The following XPA variants were observed in gnomAD, a reference collection of about 807,000 sequenced individuals.
XPA encodes the protein XPA, DNA damage recognition and repair factor, also known as DNA repair protein complementing XP-A cells.
A neutral mutation model predicts 35.7 loss-of-function variants in XPA; 27 were observed. That is an observed-to-expected ratio of 0.76 (90% confidence interval 0.56 to 1.04). The LOEUF is 1.04. Ranked by LOEUF, XPA falls within the 50% of genes least tolerant of loss-of-function variation. XPA has a pLI of 0.00. For synonymous variants in XPA, 133 were observed against 118.4 expected (o/e 1.12, Z -0.80); for missense variants, 354 against 342.7 (o/e 1.03, Z -0.26).
Position 97,675,532 on chromosome 9 carries a change from TTGA to T in XPA, c.726_728del (p.His242del). On this transcript the variant is annotated inframe_deletion, in exon 6 of 6. Coordinates refer to ENST00000375128, the MANE Select transcript of XPA (RefSeq NM_000380.4). ...GGTTTTCTTCTGGTCCATACTCATG[TTGA>T]TGAACAATCGTCTCCCTTTTCCACA... 6.2e-7 allele frequency: 1 copy of T among 1,614,066 alleles called. No homozygotes were observed. Among genetic ancestry groups the T allele is most frequent in the East Asian group, 2.2e-5 (1 of 44,876 alleles).
the XPA span, chr9:97,656,085 G>A: frequency 6.2e-7 from 1 of 1,612,510 alleles, no homozygotes; most frequent in Non-Finnish European, 8.5e-7. Flanking sequence ...AAATGTATGA[G>A]GTAAGTTTTT....
the XPA span, chr9:97,654,830 C>A: frequency 6.7e-7 from 1 of 1,500,534 alleles, no homozygotes; most frequent in African/African-American, 1.4e-5. Flanking sequence ...TCTATTACAA[C>A]TTATTTGGGA....
intron 5 of XPA, among the ~76,000 whole-genome samples, chr9:97,681,958 T>C (rs916105591): frequency 1.3e-5 from 2 of 152,204 alleles, no homozygotes; most frequent in Non-Finnish European, 2.9e-5. Context: ...AGAGTTTTGA[T>C]ACCAGTTAAA....
At chr9:97,685,516 T>A (rs538198235) in intron 4 of XPA, among the ~76,000 whole-genome samples, 1 of 152,354 alleles carries the variant, frequency 6.6e-6, no homozygotes, top group Non-Finnish European at 1.5e-5. Context: ...GGATATATTT[T>A]TTTTTAATTT....
the XPA span, among the ~76,000 whole-genome samples, chr9:97,668,526 G>C: frequency 6.6e-6 from 1 of 152,140 alleles, no homozygotes; most frequent in African/African-American, 2.4e-5. Context: ...TTAGCAAGCT[G>C]TCTCCCTGTT....
At chr9:97,695,483 T>C (rs2131408521) in intron 1 of XPA, among the ~76,000 whole-genome samples, 1 of 152,228 alleles carries the variant, frequency 6.6e-6, no homozygotes, top group African/African-American at 2.4e-5. Flanking sequence ...GAATATGTAA[T>C]ATAAATAGCA....
At chr9:97,666,845 G>A in the XPA span, 20 of 1,609,488 alleles carry the variant, frequency 1.2e-5, no homozygotes, top group Admixed American at 3.2e-4. Context: ...GCTGGAAGAA[G>A]CTAAAGAGAA....
chr9:97,686,899 T>C (rs1828733676), intron 4 of XPA, among the ~76,000 whole-genome samples, 197 bp downstream of exon 4: 1 of 151,992 alleles, frequency 6.6e-6, no homozygotes, highest in African/African-American at 2.4e-5. Flanking sequence ...TGAGACCTTA[T>C]TGTTTGAAAA....
the XPA span, among the ~76,000 whole-genome samples, chr9:97,656,412 C>G: frequency 6.6e-6 from 1 of 152,192 alleles, no homozygotes; most frequent in Non-Finnish European, 1.5e-5. Flanking sequence ...GAAACCCCCT[C>G]TCTACTAAAA....
chr9:97,673,320 ACTC>A (rs1828252967), downstream of XPA: 1 of 151,988 alleles, frequency 6.6e-6, no homozygotes, highest in African/African-American at 2.4e-5. Flanking sequence ...GTTTAAAATG[ACTC>A]CTGTCTCAAA....
intron 4 of XPA, 88 bp from the exon 5 acceptor site, chr9:97,685,128 G>GGTACCA: frequency 9.8e-7 from 1 of 1,016,006 alleles, no homozygotes; most frequent in Non-Finnish European, 1.5e-6. Flanking sequence ...AGGTACCAAA[G>GGTACCA]AATGATCTAA....
intron 5 of XPA, among the ~76,000 whole-genome samples, chr9:97,680,160 TAA>T (rs552046249): frequency 1.6e-4 from 24 of 152,212 alleles, no homozygotes; most frequent in Non-Finnish European, 3.2e-4. Flanking sequence ...ATATTAATGC[TAA>T]GTTTCTTGAG....
chr9:97,666,894 C>G, the XPA span: 3 of 1,505,778 alleles, frequency 2.0e-6, no homozygotes, highest in Non-Finnish European at 2.7e-6. Context: ...TTTGTGTAAA[C>G]TTGTAAGTAG....
At chr9:97,662,043 TGAA>T in the XPA span, 1 of 1,608,992 alleles carries the variant, frequency 6.2e-7, no homozygotes, top group African/African-American at 1.3e-5. Flanking sequence ...ATTTTTCAGA[TGAA>T]GGATTCAGTT....
chr9:97,670,872 T>C (rs1288964997), downstream of XPA, among the ~76,000 whole-genome samples: 1 of 152,208 alleles, frequency 6.6e-6, no homozygotes, highest in Non-Finnish European at 1.5e-5. Context: ...GAACTGGATT[T>C]TTTAAAAAGC....
downstream of XPA, chr9:97,671,159 T>G: frequency 6.2e-7 from 1 of 1,613,658 alleles, no homozygotes; most frequent in Non-Finnish European, 8.5e-7. Context: ...GACCCTCATA[T>G]CTTGGCCGTG....
At chr9:97,688,218 G>A (rs565350092) in intron 3 of XPA, among the ~76,000 whole-genome samples, 2 of 152,144 alleles carry the variant, frequency 1.3e-5, no homozygotes, top group Non-Finnish European at 2.9e-5. Flanking sequence ...GGAGGCACTA[G>A]GTAAGAATCC....
chr9:97,687,058 A>G (rs752223091), intron 4 of XPA, 38 bp downstream of exon 4: 2 of 1,582,116 alleles, frequency 1.3e-6, no homozygotes. Flanking sequence ...TTAAGAATTT[A>G]CCAGAGTGAA....
At position 97,675,116 on chromosome 9, in the gene XPA, C is replaced by T. The variant is rs1056922778; in HGVS notation, c.*323G>A. 10 of 549,510 alleles carry T rather than the reference C, an allele frequency of 1.8e-5. No individual in the cohort carries two copies. Among genetic ancestry groups the T allele is most frequent in the Non-Finnish European group, 2.8e-5 (8 of 287,548 alleles). The allele number at this position is 549,510 out of a possible 1,614,324, so 34.0% of individuals were successfully genotyped here. On this transcript the variant is annotated 3_prime_UTR_variant, in exon 6 of 6. Transcript: ENST00000375128. ...TTGTTGAACCCTTTTCCCTCTACCC[C>T]AATCTAGGGTTTGCCTTGGTATCTT...
Sources: gnomAD v4.1 joint callset for allele counts (sites outside exome capture counted in the v4.1 genomes callset) on GRCh38, gnomAD v4.1.1 for gene constraint, MANE v1.5 for transcripts, NCBI Gene and HGNC (gene_info 2026-07-23, HGNC 2026-07-21) for gene names.